Variants in PLCB1 observed in about 807,000 individuals in gnomAD.
PLCB1 encodes the protein phospholipase C beta 1.
Under a neutral mutation model 161.8 loss-of-function variants are expected in PLCB1, and 46 were observed. That is an observed-to-expected ratio of 0.28 (90% CI 0.22 to 0.36). PLCB1 has a LOEUF of 0.36. Among genes scored for constraint, PLCB1 ranks in the 10% least tolerant of loss-of-function variants. The probability of loss-of-function intolerance (pLI) is 1.00; values close to 1 mark genes in which losing one functional copy is unlikely to be tolerated. For synonymous variants in PLCB1, 517 were observed against 503.7 expected, an observed-to-expected ratio of 1.03 and a Z score of -0.35; for missense variants, 1,016 against 1,472.5, an observed-to-expected ratio of 0.69 and a Z score of 5.07.
chr20:8,451,318 T>A (rs1981065888), intron 3 of PLCB1, among the ~76,000 whole-genome samples: 1 of 149,226 alleles, frequency 6.7e-6, no homozygotes, highest in Non-Finnish European at 1.5e-5. Context: ...TATTTTTGAC[T>A]CATCCTGTGA....
chr20:8,276,564 T>A (rs1234157992), intron 2 of PLCB1, among the ~76,000 whole-genome samples: 1 of 152,306 alleles, frequency 6.6e-6, no homozygotes, highest in South Asian at 2.1e-4. Flanking sequence ...TTGAGTGTTC[T>A]TTTTTTACAC....
chr20:8,419,484 T>C (rs1228194884), intron 3 of PLCB1, among the ~76,000 whole-genome samples: 1 of 152,186 alleles, frequency 6.6e-6, no homozygotes, highest in Non-Finnish European at 1.5e-5. Context: ...GTATTTCAAA[T>C]ACCCATACAA....
At chr20:8,644,539 T>C (rs1989088193) in intron 4 of PLCB1, among the ~76,000 whole-genome samples, 1 of 143,694 alleles carries the variant, frequency 7.0e-6, no homozygotes, top group African/African-American at 2.6e-5. Context: ...GTCTGAGAAG[T>C]GAGGAGACCC....
chr20:8,444,981 T>A (rs1455817606), intron 3 of PLCB1, among the ~76,000 whole-genome samples: 1 of 152,180 alleles, frequency 6.6e-6, no homozygotes, highest in Non-Finnish European at 1.5e-5. Flanking sequence ...AAAAATTTTC[T>A]CCCATTCTGT....
At chr20:8,308,056 A>G (rs907493191) in intron 2 of PLCB1, among the ~76,000 whole-genome samples, 4 of 152,064 alleles carry the variant, frequency 2.6e-5, no homozygotes, top group African/African-American at 9.7e-5. Context: ...TGAACTTTTT[A>G]CTTGAGTCAA....
chr20:8,432,963 T>G (rs952797621), intron 3 of PLCB1, among the ~76,000 whole-genome samples: 3 of 152,238 alleles, frequency 2.0e-5, no homozygotes, highest in Non-Finnish European at 4.4e-5. Flanking sequence ...ATCTGCAGGT[T>G]TCTTGATCAC....
intron 3 of PLCB1, among the ~76,000 whole-genome samples, chr20:8,496,921 G>T (rs6118212): frequency 6.6e-6 from 1 of 152,146 alleles, no homozygotes; most frequent in African/African-American, 2.4e-5. Context: ...TCACTTTACA[G>T]GTGGAGGAAC....
chr20:8,308,913 T>C (rs1984259668), intron 2 of PLCB1, among the ~76,000 whole-genome samples: 1 of 152,144 alleles, frequency 6.6e-6, no homozygotes, highest in Non-Finnish European at 1.5e-5. Context: ...TAGGGACTCA[T>C]AGATTTTTTT....
At chr20:8,224,339 A>G (rs532234853) in intron 2 of PLCB1, among the ~76,000 whole-genome samples, 2 of 151,956 alleles carry the variant, frequency 1.3e-5, no homozygotes, top group South Asian at 4.2e-4. Context: ...AGGGTTTTTA[A>G]TAAGTACTTT....
intron 2 of PLCB1, among the ~76,000 whole-genome samples, chr20:8,160,786 G>T (rs16994471): frequency 0.45 from 68,651 of 151,888 alleles, 15,643 homozygotes; most frequent in Middle Eastern, 0.56. Context: ...TGTCTTTTGG[G>T]AAAATAAATT....
intron 3 of PLCB1, among the ~76,000 whole-genome samples, chr20:8,592,295 TCA>T (rs1987172455): frequency 6.6e-6 from 1 of 152,198 alleles, no homozygotes; most frequent in African/African-American, 2.4e-5. Flanking sequence ...AATAATGTGT[TCA>T]GGATAACTAA....
intron 9 of PLCB1, among the ~76,000 whole-genome samples, chr20:8,660,392 T>C (rs1019572615): frequency 2.0e-5 from 3 of 152,156 alleles, no homozygotes; most frequent in Non-Finnish European, 4.4e-5. Flanking sequence ...CACATTGTTA[T>C]AACAAATCCA....
intron 3 of PLCB1, among the ~76,000 whole-genome samples, chr20:8,619,459 A>C (rs540317603): frequency 1.3e-5 from 2 of 152,080 alleles, no homozygotes; most frequent in African/African-American, 4.8e-5. Context: ...GATAAGTATA[A>C]GCTAACATTT....
chr20:8,733,412 A>C lies in PLCB1; in HGVS notation c.2043+20A>C, dbSNP rs759577140. On this transcript the variant is annotated intron_variant, in intron 19 of 31. Coordinates refer to ENST00000338037, the MANE Select transcript of PLCB1 (RefSeq NM_015192.4). ...GTTAAGGTAGGTATACCCCATCACA[A>C]AATTGTTCCTAACAATAGTGTTGAA... 6.2e-7 allele frequency: 1 copy of C among 1,608,702 alleles called. No individual in the cohort carries two copies. The highest frequency in any genetic ancestry group is 1.1e-5 in the South Asian group (1 of 90,934).
intron 9 of PLCB1, among the ~76,000 whole-genome samples, chr20:8,682,465 T>C (rs1451768809): frequency 6.6e-6 from 1 of 152,186 alleles, no homozygotes; most frequent in Admixed American, 6.5e-5. Flanking sequence ...GCTCCTCTCA[T>C]CAAAAGAGCC....
At position 8,672,399 on chromosome 20, in the gene PLCB1, C is replaced by CT. The variant is rs11289990; in HGVS notation, c.863-12516dup. The stretch of plus-strand genomic sequence containing the variant: ...CTTCCTTGCACTTTCCTGTTATACT[C>CT]TTTTTTTTTTTTTTTTTAGTACTGC... On this transcript the variant is annotated intron_variant, in intron 9 of 31. Coordinates refer to ENST00000338037, the MANE Select transcript of PLCB1 (RefSeq NM_015192.4). 9.2e-4 allele frequency among the ~76,000 whole-genome samples: 128 copies of CT among 138,574 alleles called. 1 individual carries two copies. Among genetic ancestry groups the CT allele is most frequent in the South Asian group, 6.9e-3 (30 of 4,366 alleles). The allele number at this position is 138,574 out of a possible 152,430, so 90.9% of individuals were successfully genotyped here.
intron 2 of PLCB1, among the ~76,000 whole-genome samples, chr20:8,169,011 G>A (rs1210992308): frequency 6.6e-6 from 1 of 152,096 alleles, no homozygotes; most frequent in Non-Finnish European, 1.5e-5. Flanking sequence ...AATGAAGCAT[G>A]AAAAGGGATC....
In PLCB1 at chr20:8,516,305, C is replaced by T. The variant is rs539981919; in HGVS notation, c.247-111989C>T. ...ACCATGACAGCACATTTCAAGCCTCCGCTTCATTGCTTCTGATAATATTAC... is the reference window on the plus strand; with the variant it reads ...ACCATGACAGCACATTTCAAGCCTCTGCTTCATTGCTTCTGATAATATTAC... On this transcript the variant is annotated intron_variant, in intron 3 of 31. Transcript: ENST00000338037. 1.8e-4 allele frequency among the ~76,000 whole-genome samples: 27 copies of T among 152,244 alleles called. No homozygotes were observed. The South Asian group carries it at 3.3e-3, about 19-fold the overall frequency.
chr20:8,592,462 G>A (rs1987179129), intron 3 of PLCB1, among the ~76,000 whole-genome samples: 2 of 152,164 alleles, frequency 1.3e-5, no homozygotes, highest in Non-Finnish European at 2.9e-5. Flanking sequence ...GGGACATCAT[G>A]GGGAACCTAT....
Sources: allele counts gnomAD v4.1 joint callset (sites outside exome capture counted in the v4.1 genomes callset), GRCh38; gene constraint gnomAD v4.1.1; transcripts MANE v1.5; gene names NCBI Gene and HGNC (gene_info 2026-07-23, HGNC 2026-07-21).